Variants in ABCA9 observed in about 807,000 individuals in gnomAD.
ABCA9 encodes the protein ATP binding cassette subfamily A member 9, also known as ATP-binding cassette sub-family A member 9.
A neutral mutation model predicts 205.3 loss-of-function variants in ABCA9; 183 were observed. The observed-to-expected ratio is 0.89, with a 90% CI of 0.79 to 1.01. ABCA9 has a LOEUF of 1.01. ABCA9 is among the 50% of genes least tolerant of loss of function. The pLI, the probability that ABCA9 is intolerant of heterozygous loss-of-function variation, is 0.00. For missense variants in ABCA9, 1,805 were observed against 1,912.4 expected (o/e 0.94, Z 1.05); for synonymous variants, 651 against 683.3 (o/e 0.95, Z 0.74).
At position 68,975,434 on chromosome 17, in the gene ABCA9, G is replaced by C. The variant is rs11077858; in HGVS notation, c.*481C>G. On this transcript the variant is annotated 3_prime_UTR_variant, in exon 39 of 39. Transcript: ENST00000340001. The stretch of plus-strand genomic sequence containing the variant: ...AAAATGACAGAAAAGGAAAACCAGT[G>C]AATTAAGAACAAGTATTTAAAAAGG... 74,831 of 152,464 alleles carry C rather than the reference G, an allele frequency of 0.49. 21,820 individuals carry two copies. Among genetic ancestry groups the C allele is most frequent in the Non-Finnish European group, 0.65 (44,408 of 68,308 alleles). 9.4% of individuals were successfully genotyped at this position (152,464 alleles called of 1,614,324 possible). A position where few individuals can be genotyped will look rare whatever the true frequency, so the allele number is the denominator to read the frequency against.
At chr17:68,979,512 C>G (rs1015198527) in intron 37 of ABCA9, among the ~76,000 whole-genome samples, 3 of 149,698 alleles carry the variant, frequency 2.0e-5, no homozygotes, top group African/African-American at 5.1e-5. Flanking sequence ...CTGGAGGCAT[C>G]ATGCTACCTG....
intron 25 of ABCA9, among the ~76,000 whole-genome samples, chr17:69,004,170 C>T (rs1020988373): frequency 6.6e-6 from 1 of 152,226 alleles, no homozygotes; most frequent in African/African-American, 2.4e-5. Context: ...AGGAGCTGCA[C>T]TCCTTTGGAG....
At chr17:69,003,139 T>G (rs1373714523) in intron 25 of ABCA9, among the ~76,000 whole-genome samples, 1 of 151,776 alleles carries the variant, frequency 6.6e-6, no homozygotes, top group African/African-American at 2.4e-5. Context: ...TAGTGTTATG[T>G]GTGAATTTGG....
At chr17:69,038,597 C>T (rs2071423196) in intron 6 of ABCA9, among the ~76,000 whole-genome samples, 1 of 152,110 alleles carries the variant, frequency 6.6e-6, no homozygotes, top group Admixed American at 6.5e-5. Flanking sequence ...TATGACAAAC[C>T]CGTAGCCAAT....
At chr17:69,022,901 C>T (rs993001516) in intron 17 of ABCA9, among the ~76,000 whole-genome samples, 7 of 152,130 alleles carry the variant, frequency 4.6e-5, no homozygotes, top group Non-Finnish European at 7.4e-5. Flanking sequence ...CTAATGAGTC[C>T]TTAAACTTAC....
Position 68,984,105 on chromosome 17 carries a change from C to A in ABCA9, c.4450G>T (p.Ala1484Ser). 1.9e-6 allele frequency: 3 copies of A among 1,614,192 alleles called. No homozygotes were observed. Among genetic ancestry groups the A allele is most frequent in the Non-Finnish European group, 2.5e-6 (3 of 1,180,032 alleles). The part of the protein sequence containing the change: ...ALLTTHYMAE[A>S]EAVCDRVAIM... ...GCCACTCGGTCACACACCGCCTCAG[C>A]CTCTGCCATGTAGTGGGTGGTCAGG... The change falls in exon 35 of 39, where the codon GCT (alanine) becomes TCT (serine). Residue 1484 changes from alanine to serine, a missense_variant. Coordinates refer to ENST00000340001, the MANE Select transcript of ABCA9 (RefSeq NM_080283.4).
intron 3 of ABCA9, among the ~76,000 whole-genome samples, chr17:69,046,131 T>C (rs2071696800): frequency 6.6e-6 from 1 of 152,226 alleles, no homozygotes; most frequent in African/African-American, 2.4e-5. Flanking sequence ...GCAATTATAG[T>C]ACACATCTTC....
intron 37 of ABCA9, among the ~76,000 whole-genome samples, chr17:68,980,364 A>G (rs9797144): frequency 0.67 from 102,350 of 151,772 alleles, 34,976 homozygotes; most frequent in Middle Eastern, 0.73. Context: ...AACCATTGTG[A>G]GAGTCAGTGT....
rs1161832189 is a variant in ABCA9, at chr17:68,986,172, G to T, written c.4200C>A (p.Ala1400=). 4.3e-6 allele frequency: 7 copies of T among 1,610,248 alleles called. No homozygotes were observed. Among genetic ancestry groups the T allele is most frequent in the Non-Finnish European group, 5.9e-6 (7 of 1,178,274 alleles). ...KGLRKGDAMI[A]ITRLVDALKL... ...CCCCCAGTCCCAGGTACCGTGTGAT[G>T]GCGATCATTGCGTCCCCTTTCCTGA... The change falls in exon 32 of 39, where the codon GCC becomes GCA. Residue 1400 remains alanine (A), a synonymous_variant. Transcript: ENST00000340001.
rs140740456 is a variant in ABCA9, at chr17:68,995,451, C to T, written c.3555+444G>A. ...CTCACCGCGTAGGTCATATTATTGT[C>T]GCATGGCTTTTCATACCATTTATAA... On this transcript the variant is annotated intron_variant, in intron 26 of 38. Coordinates refer to ENST00000340001, the MANE Select transcript of ABCA9 (RefSeq NM_080283.4). Among the ~76,000 whole-genome samples the T allele has an allele frequency of 3.7e-3, 568 of 152,258 alleles. 3 individuals are homozygous for T. Among genetic ancestry groups the T allele is most frequent in the African/African-American group, 0.012 (502 of 41,544 alleles).
chr17:69,027,939 A>G (rs1393897389), intron 12 of ABCA9, 124 bp from the exon 13 acceptor site: 1 of 773,770 alleles, frequency 1.3e-6, no homozygotes, highest in Non-Finnish European at 2.0e-6. Flanking sequence ...ACTTGTAAGG[A>G]ATATGCAATG....
At chr17:69,044,998 T>C (rs1204586116) in intron 4 of ABCA9, among the ~76,000 whole-genome samples, 174 bp downstream of exon 4, 2 of 152,176 alleles carry the variant, frequency 1.3e-5, no homozygotes, top group East Asian at 3.9e-4. Context: ...TAAAACAATG[T>C]ACTTAAGCAC....
rs761364090 is a variant in ABCA9, at chr17:69,029,262, T to C, written c.1446-35A>G. The C allele has an allele frequency of 3.7e-6, 5 of 1,363,894 alleles. No homozygotes were observed. In the African/African-American group the frequency reaches 4.4e-5, roughly 12 times the overall value. The allele number at this position is 1,363,894 out of a possible 1,614,324, so 84.5% of individuals were successfully genotyped here. A position where few individuals can be genotyped will look rare whatever the true frequency, so the allele number is the denominator to read the frequency against. ...AGAGGGAAATGTTTTCAGAGAATTG[T>C]AAAAATGTGCAGAGGATTGATAAGT... is the stretch of plus-strand genomic sequence containing the variant. On this transcript the variant is annotated intron_variant, in intron 10 of 38. Coordinates refer to ENST00000340001, the MANE Select transcript of ABCA9 (RefSeq NM_080283.4).
At chr17:69,045,026 A>G in intron 4 of ABCA9, 146 bp downstream of exon 4, 1 of 578,088 alleles carries the variant, frequency 1.7e-6, no homozygotes, top group South Asian at 3.5e-5. Context: ...TCATTTAATA[A>G]ATATGAATCT....
At position 69,007,760 on chromosome 17, in the gene ABCA9, A is replaced by T. The variant is rs778276610; in HGVS notation, c.3434T>A (p.Ile1145Asn). Reference sequence around the variant, plus strand: ...AATAGGTAGTATATGCATACTCACAATTAAGAAGAAAAATGACCAAATGCC... The same window carrying T: ...AATAGGTAGTATATGCATACTCACATTTAAGAAGAAAAATGACCAAATGCC... Reference protein sequence around the residue: ...NSGIWSFFFLIVVIFSIVATD... With the variant: ...NSGIWSFFFLNVVIFSIVATD... The change falls in exon 25 of 39, where the codon ATT becomes AAT. Residue 1145 changes from isoleucine (I) to asparagine (N), a missense_variant and splice_region_variant. Coordinates refer to ENST00000340001, the MANE Select transcript of ABCA9 (RefSeq NM_080283.4). 6.4e-7 allele frequency: 1 copy of T among 1,556,176 alleles called. No individual in the cohort carries two copies. The highest frequency in any genetic ancestry group is 8.9e-7 in the Non-Finnish European group (1 of 1,128,390).
intron 23 of ABCA9, among the ~76,000 whole-genome samples, chr17:69,011,501 T>C (rs2144209464): frequency 6.6e-6 from 1 of 151,978 alleles, no homozygotes; most frequent in Admixed American, 6.6e-5. Flanking sequence ...CATGGGAGAG[T>C]AGCAGATAGA....
intron 21 of ABCA9, among the ~76,000 whole-genome samples, chr17:69,016,686 A>G (rs1428708585): frequency 6.6e-6 from 1 of 152,152 alleles, no homozygotes; most frequent in Non-Finnish European, 1.5e-5. Flanking sequence ...TCCATAGTGC[A>G]ACCTCAGTTT....
Position 69,060,927 on chromosome 17 carries a change from T to G in ABCA9, c.-75A>C, listed in dbSNP as rs2072226478. On this transcript the variant is annotated 5_prime_UTR_variant, in exon 1 of 39. Transcript: ENST00000340001. ...TTCATCCATGGGTCTCTGCATGTTC[T>G]GGAGGAGAATTCACATTCCTTTTGG... 5.1e-6 allele frequency: 5 copies of G among 985,484 alleles called. No homozygotes were observed. Among genetic ancestry groups the G allele is most frequent in the Non-Finnish European group, 6.0e-6 (5 of 829,934 alleles). 61.0% of individuals were successfully genotyped at this position (985,484 alleles called of 1,614,324 possible). A position where few individuals can be genotyped will look rare whatever the true frequency, so the allele number is the denominator to read the frequency against.
chr17:69,063,202 C>T (rs566943241), upstream of ABCA9, among the ~76,000 whole-genome samples: 1 of 152,256 alleles, frequency 6.6e-6, no homozygotes, highest in East Asian at 1.9e-4. Context: ...ATTATTCTTA[C>T]TTTATGTGCA....
Sources: allele counts gnomAD v4.1 joint callset (sites outside exome capture counted in the v4.1 genomes callset), GRCh38; gene constraint gnomAD v4.1.1; transcripts MANE v1.5; gene names NCBI Gene and HGNC (gene_info 2026-07-23, HGNC 2026-07-21).